The following ATP8A2 variants were observed in gnomAD, a reference collection of about 807,000 sequenced individuals.
The protein encoded by ATP8A2 is phospholipid-transporting ATPase IB.
In ATP8A2, 100 loss-of-function variants were observed where a neutral mutation model predicts 165.6. That is an observed-to-expected ratio of 0.60 (90% CI 0.51 to 0.71). The LOEUF (loss-of-function observed/expected upper bound fraction) is 0.71. Among genes scored for constraint, ATP8A2 ranks in the 30% least tolerant of loss-of-function variants. The pLI, the probability that ATP8A2 is intolerant of heterozygous loss-of-function variation, is 0.00. For missense variants in ATP8A2, 1,227 were observed against 1,479.5 expected, an observed-to-expected ratio of 0.83 and a Z score of 2.80; for synonymous variants, 543 against 548.8, an observed-to-expected ratio of 0.99 and a Z score of 0.15.
rs60051888 is a variant in ATP8A2, at chr13:25,667,774, AT to A, written c.2212-31390del. On this transcript the variant is annotated intron_variant, in intron 24 of 36. Coordinates refer to ENST00000381655, the MANE Select transcript of ATP8A2 (RefSeq NM_016529.6). ...CTAATACTGCTTTCTTTTGTGTTTG[AT>A]TTTTTTTTCTAGTGTACCCTTTTGA... 2.1e-3 allele frequency among the ~76,000 whole-genome samples: 310 copies of A among 150,424 alleles called. 2 individuals are homozygous for A. The highest frequency in any genetic ancestry group is 7.2e-3 in the African/African-American group (294 of 40,984).
chr13:26,015,666 C>T (rs531685850), intron 36 of ATP8A2, among the ~76,000 whole-genome samples: 58 of 152,174 alleles, frequency 3.8e-4, no homozygotes, highest in African/African-American at 1.2e-3. Context: ...CTAAGAAATC[C>T]GTCTTTCCTC....
chr13:25,999,789 A>G (rs942614437), intron 35 of ATP8A2, among the ~76,000 whole-genome samples: 2 of 152,190 alleles, frequency 1.3e-5, no homozygotes, highest in African/African-American at 4.8e-5. Flanking sequence ...ATGCATATGG[A>G]TTGGCAGAAA....
chr13:25,376,265 G>A (rs2032622289), intron 1 of ATP8A2, among the ~76,000 whole-genome samples: 1 of 152,156 alleles, frequency 6.6e-6, no homozygotes, highest in Non-Finnish European at 1.5e-5. Context: ...ATTCTATATG[G>A]TTTTCTCTTC....
intron 1 of ATP8A2, among the ~76,000 whole-genome samples, chr13:25,416,542 G>C (rs2034137336): frequency 6.6e-6 from 1 of 152,182 alleles, no homozygotes; most frequent in Non-Finnish European, 1.5e-5. Context: ...TAGATGATGT[G>C]TTTTCAGAGC....
chr13:25,728,030 G>A (rs9511895), intron 25 of ATP8A2, among the ~76,000 whole-genome samples: 37,482 of 152,068 alleles, frequency 0.25, 5,226 homozygotes, highest in East Asian at 0.47. Flanking sequence ...GGGGCGTTGA[G>A]GATCAGGTCA....
intron 33 of ATP8A2, among the ~76,000 whole-genome samples, chr13:25,878,831 C>T (rs1952891429): frequency 6.6e-6 from 1 of 152,152 alleles, no homozygotes; most frequent in African/African-American, 2.4e-5. Context: ...CCACTCACGT[C>T]CATCACCACT....
chr13:25,560,546 A>G (rs2039111504), intron 15 of ATP8A2, among the ~76,000 whole-genome samples: 2 of 151,556 alleles, frequency 1.3e-5, no homozygotes, highest in South Asian at 4.2e-4. Context: ...CTAAAAATAC[A>G]AAAATTAGCT....
chr13:25,372,428 C>G lies in ATP8A2; in HGVS notation c.76+140C>G, dbSNP rs2032442743. ...CCTGGGCTCTCTGGGCTGCAGGATC[C>G]GCCGACGCGGCGCGCTGGCCGCACG... On this transcript the variant is annotated intron_variant, in intron 1 of 36. Coordinates refer to ENST00000381655, the MANE Select transcript of ATP8A2 (RefSeq NM_016529.6). The surrounding 1 kb of genome is among the most constrained non-coding windows in gnomAD (Gnocchi z 4.8). 5.2e-6 allele frequency: 3 copies of G among 578,980 alleles called. No homozygotes were observed. Among genetic ancestry groups the G allele is most frequent in the Non-Finnish European group, 7.6e-6 (3 of 392,676 alleles). 35.9% of individuals were successfully genotyped at this position (578,980 alleles called of 1,614,324 possible).
rs1955780178 is a variant in ATP8A2 at position 25,966,477 on chromosome 13, C to T, written c.3273-2098C>T. Reference sequence around the variant, plus strand: ...GTTATTAGATAAAGGTGCTTGGGAACAGGGTTTTAAATTGCCAGCCTCCCT... The same window carrying T: ...GTTATTAGATAAAGGTGCTTGGGAATAGGGTTTTAAATTGCCAGCCTCCCT... On this transcript the variant is annotated intron_variant, in intron 34 of 36. Coordinates refer to ENST00000381655, the MANE Select transcript of ATP8A2 (RefSeq NM_016529.6). 1.3e-5 allele frequency among the ~76,000 whole-genome samples: 2 copies of T among 152,152 alleles called. 1 individual carries two copies. Among genetic ancestry groups the T allele is most frequent in the South Asian group, 4.1e-4 (2 of 4,832 alleles).
At chr13:25,740,032 G>A (rs2043873246) in intron 25 of ATP8A2, among the ~76,000 whole-genome samples, 1 of 151,778 alleles carries the variant, frequency 6.6e-6, no homozygotes, top group Admixed American at 6.6e-5. Context: ...AAAGAGGGCT[G>A]GGCGCAGTGG....
chr13:25,860,202 G>A lies in ATP8A2; in HGVS notation c.2964G>A (p.Val988=). The change falls in exon 31 of 37, where the codon GTG becomes GTA. Residue 988 remains valine (V), a synonymous_variant. Transcript: ENST00000381655. ...FPMKALEHDT[V]LTSGHATDYL... is the part of the protein sequence containing the mutation. ...AACTTCTTTGTTTTTCAGATACTGT[G>A]TTGACAAGTGGTCATGCTACCGACT... is the stretch of plus-strand genomic sequence containing the variant. 6.2e-7 allele frequency: 1 copy of A among 1,610,870 alleles called. No individual in the cohort carries two copies. The highest frequency in any genetic ancestry group is 8.5e-7 in the Non-Finnish European group (1 of 1,177,432).
intron 25 of ATP8A2, among the ~76,000 whole-genome samples, chr13:25,704,678 C>T (rs913776729): frequency 2.6e-5 from 4 of 152,008 alleles, no homozygotes; most frequent in African/African-American, 9.7e-5. Context: ...TCTAGGGGAC[C>T]TTTAGAGAGA....
chr13:25,542,163 C>A, intron 9 of ATP8A2, 117 bp downstream of exon 9: 2 of 1,099,046 alleles, frequency 1.8e-6, no homozygotes, highest in South Asian at 1.7e-5. Context: ...AGATTTCATA[C>A]CCTTTCAATT....
At chr13:25,797,389 C>A (rs1430481819) in intron 27 of ATP8A2, among the ~76,000 whole-genome samples, 1 of 152,054 alleles carries the variant, frequency 6.6e-6, no homozygotes, top group Non-Finnish European at 1.5e-5. Context: ...TTCAAAATAT[C>A]TCATGTACCC....
intron 35 of ATP8A2, among the ~76,000 whole-genome samples, chr13:26,004,261 G>A (rs962191473): frequency 1.3e-5 from 2 of 151,926 alleles, no homozygotes; most frequent in Non-Finnish European, 2.9e-5. Context: ...AGTATTTTGT[G>A]TTGTTGTTGT....
At chr13:25,936,939 G>A (rs926172762) in intron 33 of ATP8A2, among the ~76,000 whole-genome samples, 4 of 152,134 alleles carry the variant, frequency 2.6e-5, no homozygotes, top group Admixed American at 1.3e-4. Context: ...ACAGCCCTCC[G>A]CTTATTGAAG....
intron 33 of ATP8A2, among the ~76,000 whole-genome samples, chr13:25,872,933 G>A (rs1161139200): frequency 6.6e-6 from 1 of 151,680 alleles, no homozygotes; most frequent in African/African-American, 2.4e-5. Flanking sequence ...CTGAAGTCCA[G>A]TGTGTGTGTT....
At chr13:25,544,335 T>G (rs577256590) in intron 10 of ATP8A2, among the ~76,000 whole-genome samples, 1 of 152,350 alleles carries the variant, frequency 6.6e-6, no homozygotes, top group South Asian at 2.1e-4. Context: ...CTAAGAATGA[T>G]TCCCGTGGCA....
chr13:25,465,996 C>T (rs778210828), intron 1 of ATP8A2, among the ~76,000 whole-genome samples: 38 of 151,774 alleles, frequency 2.5e-4, no homozygotes, highest in Non-Finnish European at 4.4e-4. Flanking sequence ...ATGCTTTTAT[C>T]ATCTTGCTTC....
Sources: allele counts gnomAD v4.1 joint callset (sites outside exome capture counted in the v4.1 genomes callset), GRCh38; gene constraint gnomAD v4.1.1; non-coding constraint Gnocchi (gnomAD v3.1); transcripts MANE v1.5; gene names NCBI Gene and HGNC (gene_info 2026-07-23, HGNC 2026-07-21).